Variants in L3MBTL4 observed in about 807,000 individuals in gnomAD.
L3MBTL4 encodes lethal(3)malignant brain tumor-like protein 4.
L3MBTL4 carries 70 observed loss-of-function variants against 84.5 expected under a neutral mutation model. The observed-to-expected ratio is 0.83, with a 90% CI of 0.68 to 1.01. The LOEUF (loss-of-function observed/expected upper bound fraction) is 1.01, where lower values mean the gene tolerates loss of function less well. Among genes scored for constraint, L3MBTL4 ranks in the 50% least tolerant of loss-of-function variants. The probability of loss-of-function intolerance (pLI) is 0.00; values close to 1 mark genes in which losing one functional copy is unlikely to be tolerated. For synonymous variants in L3MBTL4, 274 were observed against 259.8 expected (o/e 1.05, Z -0.52); for missense variants, 715 against 754.8 (o/e 0.95, Z 0.62).
intron 4 of L3MBTL4, among the ~76,000 whole-genome samples, chr18:6,274,276 A>G (rs924712696): frequency 6.6e-6 from 1 of 152,180 alleles, no homozygotes; most frequent in African/African-American, 2.4e-5. Context: ...AAACTCTGGG[A>G]GTAGGGCCCA....
At chr18:6,329,151 CTTTT>C (rs992694853) in intron 1 of L3MBTL4, among the ~76,000 whole-genome samples, 5,809 of 126,482 alleles carry the variant, frequency 0.046, 318 homozygotes, top group African/African-American at 0.17. Context: ...TTTTTCTTTT[CTTTT>C]TTTTTTTTTT....
chr18:6,191,337 G>A (rs2045075408), intron 12 of L3MBTL4, among the ~76,000 whole-genome samples: 1 of 152,130 alleles, frequency 6.6e-6, no homozygotes, highest in Non-Finnish European at 1.5e-5. Flanking sequence ...CAAAGCTGTA[G>A]TCAACAGTTT....
intron 16 of L3MBTL4, among the ~76,000 whole-genome samples, chr18:6,026,567 C>G (rs1321417293): frequency 6.6e-6 from 1 of 152,118 alleles, no homozygotes; most frequent in Non-Finnish European, 1.5e-5. Flanking sequence ...CCCAGCCACT[C>G]CCTCAATCTG....
chr18:6,076,049 T>C (rs554619751), intron 16 of L3MBTL4, among the ~76,000 whole-genome samples: 1 of 152,330 alleles, frequency 6.6e-6, no homozygotes, highest in Non-Finnish European at 1.5e-5. Context: ...GGTAGGAACA[T>C]CCTGGTACAA....
intron 16 of L3MBTL4, among the ~76,000 whole-genome samples, chr18:6,055,398 G>T (rs2056985538): frequency 1.3e-5 from 2 of 152,164 alleles, no homozygotes; most frequent in Non-Finnish European, 2.9e-5. Context: ...GAGGTGTAGG[G>T]TTCTATGCCC....
rs112763679 is a variant in L3MBTL4 at position 6,340,846 on chromosome 18, A to G, written c.-90-28790T>C. On this transcript the variant is annotated intron_variant, in intron 1 of 18. Coordinates refer to ENST00000317931, the MANE Select transcript of L3MBTL4 (RefSeq NM_001330559.2). ...CTACAGATAGCACACACATCTCAACAGTAGGTGCAGATCTTAGCAGCCAAT... is the reference window on the plus strand; with the variant it reads ...CTACAGATAGCACACACATCTCAACGGTAGGTGCAGATCTTAGCAGCCAAT... Among the ~76,000 whole-genome samples the G allele has an allele frequency of 8.1e-3, 1,226 of 152,272 alleles. 22 individuals are homozygous for G. Among genetic ancestry groups the G allele is most frequent in the African/African-American group, 0.028 (1,160 of 41,552 alleles).
Position 6,215,747 on chromosome 18 carries a change from T to C in L3MBTL4, c.870+3A>G, listed in dbSNP as rs1394588484. 1 of 1,587,912 alleles carries C rather than the reference T, an allele frequency of 6.3e-7. No homozygotes were observed. The highest frequency in any genetic ancestry group is 8.6e-7 in the Non-Finnish European group (1 of 1,162,928). On this transcript the variant is annotated splice_donor_region_variant and intron_variant, in intron 11 of 18. Transcript: ENST00000317931. ...TGAGAGTTTGTACCCACATAGAACT[T>C]ACCATTTTAAAAACTTTGGCAGGAA...
rs73938802 is a variant in L3MBTL4, at chr18:6,236,512, T to C, written c.784+1452A>G. On this transcript the variant is annotated intron_variant, in intron 10 of 18. Coordinates refer to ENST00000317931, the MANE Select transcript of L3MBTL4 (RefSeq NM_001330559.2). ...GCCTATTCATGAAGTGTAGTGAAAA[T>C]AAGCTGGAAGCAGAGAAGAAGATAT... is the stretch of plus-strand genomic sequence containing the variant. Among the ~76,000 whole-genome samples the C allele has an allele frequency of 8.7e-3, 1,328 of 152,148 alleles. 15 individuals carry two copies. The highest frequency in any genetic ancestry group is 0.03 in the African/African-American group (1,242 of 41,512).
At chr18:6,311,296 A>T (rs1363443631) in intron 3 of L3MBTL4, among the ~76,000 whole-genome samples, 1 of 151,986 alleles carries the variant, frequency 6.6e-6, no homozygotes. Flanking sequence ...CTCTTACTTG[A>T]GAATGATTGA....
At chr18:6,231,963 C>T (rs1159397463) in intron 10 of L3MBTL4, among the ~76,000 whole-genome samples, 3 of 152,062 alleles carry the variant, frequency 2.0e-5, no homozygotes, top group Non-Finnish European at 4.4e-5. Context: ...TTACCTTGTT[C>T]CTGATCTTAC....
intron 16 of L3MBTL4, among the ~76,000 whole-genome samples, chr18:6,020,558 G>C (rs1358692558): frequency 6.6e-6 from 1 of 151,982 alleles, no homozygotes; most frequent in African/African-American, 2.4e-5. Flanking sequence ...AGTAAGCAGA[G>C]AGACAGGAAG....
intron 1 of L3MBTL4, among the ~76,000 whole-genome samples, chr18:6,388,068 C>A (rs341197): frequency 0.51 from 76,896 of 151,760 alleles, 19,537 homozygotes; most frequent in East Asian, 0.59. Flanking sequence ...AATATGATAC[C>A]CTTTTATACC....
At chr18:6,123,133 T>C (rs2059580255) in intron 14 of L3MBTL4, among the ~76,000 whole-genome samples, 1 of 152,198 alleles carries the variant, frequency 6.6e-6, no homozygotes, top group Non-Finnish European at 1.5e-5. Context: ...CTGCTAGCAA[T>C]AGTTTTGCAA....
At chr18:6,103,835 C>T (rs1488186925) in intron 14 of L3MBTL4, among the ~76,000 whole-genome samples, 2 of 152,198 alleles carry the variant, frequency 1.3e-5, no homozygotes, top group Non-Finnish European at 1.5e-5. Context: ...TCTTGACAAA[C>T]CTATGCACTG....
chr18:6,370,249 C>T (rs1003684428), intron 1 of L3MBTL4, among the ~76,000 whole-genome samples: 1 of 152,090 alleles, frequency 6.6e-6, no homozygotes, highest in Non-Finnish European at 1.5e-5. Context: ...TGCTTGTGCA[C>T]CCAGGACAGT....
intron 5 of L3MBTL4, among the ~76,000 whole-genome samples, chr18:6,253,312 C>G (rs2146264295): frequency 6.6e-6 from 1 of 152,368 alleles, no homozygotes; most frequent in East Asian, 1.9e-4. Flanking sequence ...TGTTTGCACA[C>G]TGGTCAATAC....
chr18:6,137,089 G>A (rs538374246), intron 14 of L3MBTL4, among the ~76,000 whole-genome samples: 9 of 152,108 alleles, frequency 5.9e-5, no homozygotes, highest in African/African-American at 2.2e-4. Context: ...TATGCCCCTG[G>A]GACAAACTCT....
chr18:6,155,984 C>CA (rs910790554), intron 13 of L3MBTL4, among the ~76,000 whole-genome samples: 13 of 151,632 alleles, frequency 8.6e-5, no homozygotes, highest in African/African-American at 2.4e-4. Flanking sequence ...CCATGAAAGA[C>CA]AAAAAAAATG....
chr18:6,317,448 G>A (rs2051165504), intron 1 of L3MBTL4, among the ~76,000 whole-genome samples: 1 of 151,970 alleles, frequency 6.6e-6, no homozygotes, highest in Non-Finnish European at 1.5e-5. Flanking sequence ...CACACTTAGG[G>A]AGTTTAAAAA....
Sources: allele counts gnomAD v4.1 joint callset (sites outside exome capture counted in the v4.1 genomes callset), GRCh38; gene constraint gnomAD v4.1.1; transcripts MANE v1.5; gene names NCBI Gene and HGNC (gene_info 2026-07-23, HGNC 2026-07-21).